ZNF804B: variants seen among roughly 807,000 people sequenced by gnomAD.
ZNF804B encodes zinc finger 804B.
Under a neutral mutation model 101.4 loss-of-function variants are expected in ZNF804B, and 80 were observed. That is an observed-to-expected ratio of 0.79 (90% CI 0.66 to 0.95). The LOEUF is 0.95. Ranked by LOEUF, ZNF804B falls within the 40% of genes least tolerant of loss-of-function variation. The pLI is 0.00. For synonymous variants in ZNF804B, 622 were observed against 558.8 expected (o/e 1.11, Z -1.59); for missense variants, 1,673 against 1,561.9 (o/e 1.07, Z -1.20).
intron 2 of ZNF804B, among the ~76,000 whole-genome samples, chr7:89,324,771 A>T (rs577728154): frequency 6.6e-6 from 1 of 150,748 alleles, no homozygotes; most frequent in Admixed American, 6.6e-5. Context: ...AACTGCTATT[A>T]CATCCTGATA....
chr7:89,230,003 T>C (rs1789164680), intron 2 of ZNF804B, among the ~76,000 whole-genome samples: 1 of 152,054 alleles, frequency 6.6e-6, no homozygotes. Flanking sequence ...AATGAAAATA[T>C]GTCTTAGTAA....
At chr7:89,267,740 A>G (rs773560792) in intron 2 of ZNF804B, among the ~76,000 whole-genome samples, 1 of 152,168 alleles carries the variant, frequency 6.6e-6, no homozygotes, top group Non-Finnish European at 1.5e-5. Context: ...TCATTTGAAT[A>G]AGAGAAGAAA....
Position 89,305,934 on chromosome 7 carries a change from T to A in ZNF804B, c.250-21410T>A, listed in dbSNP as rs540216293. ...AGATACTAAAGGTTAGATTGCTTTG[T>A]TTAGGAAAATTAAAATGTATGGCTT... is the stretch of plus-strand genomic sequence containing the variant. On this transcript the variant is annotated intron_variant, in intron 2 of 3. Transcript: ENST00000333190. Among the ~76,000 whole-genome samples the A allele has an allele frequency of 6.6e-5, 10 of 152,128 alleles. No individual in the cohort carries two copies. In the East Asian group the frequency reaches 1.9e-3, roughly 29 times the overall value.
In ZNF804B at chr7:89,336,887, C is replaced by G. The variant is rs751245503; in HGVS notation, c.3905C>G (p.Pro1302Arg). 2.0e-5 allele frequency: 32 copies of G among 1,613,974 alleles called. No homozygotes were observed. The Middle Eastern group carries it at 1.8e-3, about 91-fold the overall frequency. ...IPTLFGPHLN[P>R]ATTSIIHLNP... is the part of the protein sequence containing the mutation. ...ACATTGTTTGGTCCTCACTTAAATC[C>G]AGCCACAACTTCTATCATCCACTTG... Residue 1302 changes from proline (P) to arginine (R), a missense_variant, in exon 4 of 4, where the codon CCA becomes CGA. By Grantham distance (103) the Pro-to-Arg change is moderately radical. Transcript: ENST00000333190.
intron 1 of ZNF804B, among the ~76,000 whole-genome samples, chr7:89,128,559 A>G (rs1449612616): frequency 6.6e-6 from 1 of 151,956 alleles, no homozygotes; most frequent in Non-Finnish European, 1.5e-5. Flanking sequence ...CTCAGTCTGC[A>G]TTTATTTTAT....
chr7:89,284,812 G>A (rs1350516715), intron 2 of ZNF804B, among the ~76,000 whole-genome samples: 1 of 151,930 alleles, frequency 6.6e-6, no homozygotes, highest in Non-Finnish European at 1.5e-5. Context: ...GATAATTTTA[G>A]AAACATTTTT....
chr7:88,984,263 T>C (rs1793730210), intron 1 of ZNF804B, among the ~76,000 whole-genome samples: 1 of 152,106 alleles, frequency 6.6e-6, no homozygotes, highest in Non-Finnish European at 1.5e-5. Flanking sequence ...TAAATATATC[T>C]AGCAGCAGCT....
chr7:89,218,806 A>G (rs1788934851), intron 2 of ZNF804B, among the ~76,000 whole-genome samples: 1 of 152,146 alleles, frequency 6.6e-6, no homozygotes, highest in Non-Finnish European at 1.5e-5. Flanking sequence ...AAAATAAGGA[A>G]TAGAAAATAT....
At chr7:89,054,601 CT>C (rs1006135488) in intron 1 of ZNF804B, among the ~76,000 whole-genome samples, 4 of 151,638 alleles carry the variant, frequency 2.6e-5, no homozygotes, top group African/African-American at 9.7e-5. Flanking sequence ...ACTGAGTAAG[CT>C]TTTTTTTCAT....
intron 1 of ZNF804B, among the ~76,000 whole-genome samples, chr7:89,131,609 G>A (rs908356827): frequency 1.3e-5 from 2 of 151,880 alleles, no homozygotes; most frequent in South Asian, 2.1e-4. Flanking sequence ...GGAAAATATG[G>A]GACATTTTAA....
intron 1 of ZNF804B, among the ~76,000 whole-genome samples, chr7:88,979,500 A>C (rs1040149108): frequency 6.6e-5 from 10 of 151,028 alleles, no homozygotes; most frequent in Admixed American, 5.3e-4. Context: ...ATGTTATGCT[A>C]CTCTCTCCTG....
At chr7:88,770,584 A>T (rs985319521) in intron 1 of ZNF804B, among the ~76,000 whole-genome samples, 2 of 152,202 alleles carry the variant, frequency 1.3e-5, no homozygotes, top group Non-Finnish European at 2.9e-5. Flanking sequence ...ATTCAACCTC[A>T]CTCAACCTTA....
intron 1 of ZNF804B, among the ~76,000 whole-genome samples, chr7:89,098,552 G>A (rs78640418): frequency 0.033 from 5,030 of 152,158 alleles, 142 homozygotes; most frequent in Non-Finnish European, 0.054. Flanking sequence ...GATTGCAGGC[G>A]TGAGCCATTG....
intron 1 of ZNF804B, among the ~76,000 whole-genome samples, chr7:88,988,914 C>T (rs1793804126): frequency 6.6e-6 from 1 of 152,214 alleles, no homozygotes; most frequent in South Asian, 2.1e-4. Context: ...TGGGTTCCAA[C>T]CTTAAATGTA....
intron 3 of ZNF804B, among the ~76,000 whole-genome samples, chr7:89,330,308 C>A (rs987435272): frequency 2.6e-5 from 4 of 151,518 alleles, no homozygotes; most frequent in African/African-American, 7.3e-5. Context: ...TAATGTAGAG[C>A]ATGATTATCT....
intron 1 of ZNF804B, among the ~76,000 whole-genome samples, chr7:88,988,352 G>A (rs181928278): frequency 1.5e-4 from 23 of 152,194 alleles, no homozygotes; most frequent in African/African-American, 5.1e-4. Context: ...CTTGGTTTCT[G>A]AGCATTATCA....
rs577359864 is a variant in ZNF804B, at chr7:88,960,707, C to G, written c.108+200623C>G. On this transcript the variant is annotated intron_variant, in intron 1 of 3. Coordinates refer to ENST00000333190, the MANE Select transcript of ZNF804B (RefSeq NM_181646.5). ...TTCCATGATGTCAAGATACTTTTCT[C>G]CTTTCTGAAATATAGTACTGAATTC... Among the ~76,000 whole-genome samples the G allele has an allele frequency of 3.3e-5, 5 of 151,170 alleles. No homozygotes were observed. In the South Asian group the frequency reaches 1.0e-3, roughly 32 times the overall value.
rs76781503 is a variant in ZNF804B, at chr7:88,845,303, A to G, written c.108+85219A>G. Among the ~76,000 whole-genome samples the G allele has an allele frequency of 1.6e-3, 204 of 126,418 alleles. 1 individual carries two copies. The highest frequency in any genetic ancestry group is 3.8e-3 in the South Asian group (16 of 4,198). The allele number at this position is 126,418 out of a possible 152,430, so 82.9% of individuals were successfully genotyped here. A position where few individuals can be genotyped will look rare whatever the true frequency, so the allele number is the denominator to read the frequency against. ...CGCACGCGCGCGCGCACGCGCGCGC[A>G]CACACACACACACACACAATAACAA... On this transcript the variant is annotated intron_variant, in intron 1 of 3. Transcript: ENST00000333190.
chr7:89,126,188 C>CT (rs1357708307), intron 1 of ZNF804B, among the ~76,000 whole-genome samples: 1 of 151,682 alleles, frequency 6.6e-6, no homozygotes, highest in Admixed American at 6.6e-5. Context: ...GACATTTCAG[C>CT]TTTTTTAACA....
Sources: gnomAD v4.1 joint callset for allele counts (sites outside exome capture counted in the v4.1 genomes callset) on GRCh38, gnomAD v4.1.1 for gene constraint, MANE v1.5 for transcripts, NCBI Gene and HGNC (gene_info 2026-07-23, HGNC 2026-07-21) for gene names.